ARHGAP29: variants seen among roughly 807,000 people sequenced by gnomAD.
ARHGAP29 encodes the protein rho GTPase-activating protein 29.
A neutral mutation model predicts 122.6 loss-of-function variants in ARHGAP29; 43 were observed. That is an observed-to-expected ratio of 0.35 (90% CI 0.27 to 0.45). The LOEUF (loss-of-function observed/expected upper bound fraction) is 0.45. ARHGAP29 is among the 20% of genes least tolerant of loss of function. The pLI, the probability that ARHGAP29 is intolerant of heterozygous loss-of-function variation, is 1.00. For synonymous variants in ARHGAP29, 506 were observed against 497.1 expected (o/e 1.02, Z -0.24); for missense variants, 1,303 against 1,477.2 (o/e 0.88, Z 1.93).
At chr1:94,237,286 G>A in intron 1 of ARHGAP29, 129 bp downstream of exon 1, 1 of 607,260 alleles carries the variant, frequency 1.6e-6, no homozygotes, top group Non-Finnish European at 2.1e-6. Flanking sequence ...GCCTGCCACC[G>A]CTTCCACTCG....
intron 2 of ARHGAP29, 68 bp downstream of exon 2, chr1:94,231,339 A>G: frequency 1.5e-6 from 2 of 1,352,096 alleles, no homozygotes; most frequent in Non-Finnish European, 2.1e-6. Context: ...GTACAAACTT[A>G]TCTGCTAGGC....
chr1:94,254,018 T>G (rs905281274), intron 1 of ARHGAP29, among the ~76,000 whole-genome samples: 25 of 152,338 alleles, frequency 1.6e-4, no homozygotes, highest in African/African-American at 4.1e-4. Context: ...ATCCAACCAT[T>G]TAGATACCTG....
At chr1:94,258,960 T>G (rs1654462602) in intron 1 of ARHGAP29, among the ~76,000 whole-genome samples, 1 of 152,292 alleles carries the variant, frequency 6.6e-6, no homozygotes, top group African/African-American at 2.4e-5. Context: ...CCTTGTGGTG[T>G]TTTTCATTTG....
At chr1:94,182,185 G>A (rs1336545183) in intron 19 of ARHGAP29, among the ~76,000 whole-genome samples, 1 of 151,756 alleles carries the variant, frequency 6.6e-6, no homozygotes, top group East Asian at 1.9e-4. Context: ...ACAATTCTGG[G>A]GAATTGAAAC....
At position 94,174,342 on chromosome 1, in the gene ARHGAP29, T is replaced by G; in HGVS notation, c.3313A>C (p.Lys1105Gln). The change falls in exon 23 of 23, where the codon AAA becomes CAA. Residue 1105 changes from lysine to glutamine, a missense_variant. By Grantham distance (53) the Lys-to-Gln change is moderately conservative. Transcript: ENST00000260526. ...ATCTGGAGGCTTGTTGTCACTCCTT[T>G]TTCCTGGAGTGCACTGGGCATGATC... Reference protein sequence around the residue: ...TMIMPSALQEKGVTTSLQISG... With the variant: ...TMIMPSALQEQGVTTSLQISG... 6.2e-7 allele frequency: 1 copy of G among 1,614,172 alleles called. No individual in the cohort carries two copies. The highest frequency in any genetic ancestry group is 1.1e-5 in the South Asian group (1 of 91,074).
the ARHGAP29 span, among the ~76,000 whole-genome samples, chr1:94,283,329 C>T: frequency 6.6e-6 from 1 of 152,134 alleles, no homozygotes; most frequent in Non-Finnish European, 1.5e-5. Context: ...ACCATGCACA[C>T]ATGGCTCACA....
the ARHGAP29 span, among the ~76,000 whole-genome samples, chr1:94,306,050 G>T: frequency 1.7e-3 from 255 of 152,356 alleles, 1 homozygote; most frequent in Non-Finnish European, 2.0e-3. Flanking sequence ...TTCTGAGGCT[G>T]ATGGGAACTA....
chr1:94,237,897 T>A (rs1653403466), upstream of ARHGAP29: 1 of 418,916 alleles, frequency 2.4e-6, no homozygotes, highest in Non-Finnish European at 3.2e-6. Flanking sequence ...TATGAGACAC[T>A]TCTGTGGATC....
At chr1:94,311,803 C>T in the ARHGAP29 span, among the ~76,000 whole-genome samples, 8 of 152,166 alleles carry the variant, frequency 5.3e-5, no homozygotes, top group Admixed American at 5.2e-4. Context: ...CCACTAAGTC[C>T]ACTAAATGTC....
At chr1:94,293,772 C>A in the ARHGAP29 span, among the ~76,000 whole-genome samples, 1 of 152,156 alleles carries the variant, frequency 6.6e-6, no homozygotes, top group Non-Finnish European at 1.5e-5. Context: ...GGTGTGCCAC[C>A]CTCCAGGAAT....
At chr1:94,206,966 A>AATAT (rs201730793) in intron 5 of ARHGAP29, among the ~76,000 whole-genome samples, 15 of 148,976 alleles carry the variant, frequency 1.0e-4, no homozygotes, top group Non-Finnish European at 1.8e-4. Flanking sequence ...AAATGAGGCA[A>AATAT]ATATATATAT....
At chr1:94,191,053 A>G (rs1215700675) in intron 12 of ARHGAP29, 1 of 152,174 alleles carries the variant, frequency 6.6e-6, no homozygotes, top group Non-Finnish European at 1.5e-5. Context: ...TGTGAATGCG[A>G]AAGAGCTTGT....
chr1:94,197,924 T>G (rs1403273180), intron 12 of ARHGAP29, among the ~76,000 whole-genome samples: 1 of 152,176 alleles, frequency 6.6e-6, no homozygotes, highest in East Asian at 1.9e-4. Flanking sequence ...TCCCCTAAGA[T>G]GGACAATTAG....
the ARHGAP29 span, chr1:94,302,350 C>T: frequency 6.6e-6 from 2 of 301,622 alleles, no homozygotes; most frequent in Non-Finnish European, 1.3e-5. Flanking sequence ...GGCTGGGGCT[C>T]ACTTAGAGGG....
At chr1:94,302,401 GC>G in the ARHGAP29 span, 5 of 354,020 alleles carry the variant, frequency 1.4e-5, no homozygotes, top group Admixed American at 7.0e-5. Context: ...CTCTGCTGAT[GC>G]CCCCACGTTC....
intron 1 of ARHGAP29, among the ~76,000 whole-genome samples, chr1:94,245,913 G>A (rs969893103): frequency 6.6e-6 from 1 of 152,140 alleles, no homozygotes; most frequent in African/African-American, 2.4e-5. Context: ...CATGTTCCTA[G>A]GTCAAGAGCC....
chr1:94,231,711 C>A (rs1652929940), intron 1 of ARHGAP29, 68 bp from the exon 2 acceptor site: 1 of 1,189,320 alleles, frequency 8.4e-7, no homozygotes, highest in South Asian at 1.5e-5. Context: ...ACTAAATCAG[C>A]CAGGGAAATA....
intron 1 of ARHGAP29, among the ~76,000 whole-genome samples, chr1:94,246,347 T>C (rs1282443443): frequency 6.6e-6 from 1 of 152,226 alleles, no homozygotes; most frequent in Non-Finnish European, 1.5e-5. Flanking sequence ...CACTTTCATA[T>C]CTAATTTTGA....
intron 2 of ARHGAP29, among the ~76,000 whole-genome samples, chr1:94,221,375 ATATC>A (rs1557871797): frequency 6.6e-6 from 1 of 152,084 alleles, no homozygotes; most frequent in East Asian, 1.9e-4. Context: ...ATAAGAGTTA[ATATC>A]TATTAAGCAC....
Sources: gnomAD v4.1 joint callset for allele counts (sites outside exome capture counted in the v4.1 genomes callset) on GRCh38, gnomAD v4.1.1 for gene constraint, MANE v1.5 for transcripts, NCBI Gene and HGNC (gene_info 2026-07-23, HGNC 2026-07-21) for gene names.